BICD2: variants seen among roughly 807,000 people sequenced by gnomAD.
BICD2 encodes the protein protein bicaudal D homolog 2.
Under a neutral mutation model 72.9 loss-of-function variants are expected in BICD2, and 25 were observed. The observed-to-expected ratio is 0.34, with a 90% CI of 0.25 to 0.48. The LOEUF (loss-of-function observed/expected upper bound fraction) is 0.48. Among genes scored for constraint, BICD2 ranks in the 20% least tolerant of loss-of-function variants. The probability of loss-of-function intolerance (pLI) is 0.99; values close to 1 mark genes in which losing one functional copy is unlikely to be tolerated. For missense variants in BICD2, 894 were observed against 1,175.2 expected, an observed-to-expected ratio of 0.76 and a Z score of 3.50; for synonymous variants, 501 against 516.1, an observed-to-expected ratio of 0.97 and a Z score of 0.40.
chr9:92,713,204 G>A lies in BICD2; in HGVS notation c.*1950C>T. The A allele has an allele frequency of 2.1e-6, 1 of 481,430 alleles. No homozygotes were observed. The highest frequency in any genetic ancestry group is 3.7e-6 in the Non-Finnish European group (1 of 271,896). 29.8% of individuals were successfully genotyped at this position (481,430 alleles called of 1,614,324 possible). Reference sequence around the variant, plus strand: ...GGCTCCTGGCGAGCCTGGCAGCCAGGGAAGAAGGGTCTTCGGCCCATACAG... The same window carrying A: ...GGCTCCTGGCGAGCCTGGCAGCCAGAGAAGAAGGGTCTTCGGCCCATACAG... On this transcript the variant is annotated 3_prime_UTR_variant, in exon 7 of 7. Coordinates refer to ENST00000356884, the MANE Select transcript of BICD2 (RefSeq NM_001003800.2).
chr9:92,743,946 T>C (rs1464950702), intron 1 of BICD2, among the ~76,000 whole-genome samples: 3 of 152,200 alleles, frequency 2.0e-5, no homozygotes, highest in Non-Finnish European at 4.4e-5. Context: ...TGTGACATAC[T>C]GATCAGAATG....
rs1354893895 is a variant in BICD2, at chr9:92,713,610, G to T, written c.*1544C>A. ...GCATGTGTTAGCAGGGGTCCCAGTG[G>T]CTTGGGTGTCTGCAAAGTCCCTTAG... is the stretch of plus-strand genomic sequence containing the variant. On this transcript the variant is annotated 3_prime_UTR_variant, in exon 7 of 7. Transcript: ENST00000356884. The T allele has an allele frequency of 5.3e-6, 8 of 1,520,542 alleles. No individual in the cohort carries two copies. Among genetic ancestry groups the T allele is most frequent in the Non-Finnish European group, 6.2e-6 (7 of 1,128,628 alleles). 94.2% of individuals were successfully genotyped at this position (1,520,542 alleles called of 1,614,324 possible).
rs878875672 is a variant in BICD2 at position 92,720,810 on chromosome 9, G to T, written c.607-55C>A. On this transcript the variant is annotated intron_variant, in intron 3 of 6. Coordinates refer to ENST00000356884, the MANE Select transcript of BICD2 (RefSeq NM_001003800.2). The surrounding 1 kb of genome is among the most constrained non-coding windows in gnomAD (Gnocchi z 5.4). ...AATGCAATGTGGAAGCTCCTTTCAGGCCCCATAAATGAAGAAAACACACCA... is the reference window on the plus strand; with the variant it reads ...AATGCAATGTGGAAGCTCCTTTCAGTCCCCATAAATGAAGAAAACACACCA... The T allele has an allele frequency of 1.3e-6, 2 of 1,551,860 alleles. No homozygotes were observed. The highest frequency in any genetic ancestry group is 2.3e-5 in the East Asian group (1 of 44,280).
chr9:92,730,119 G>T (rs1564064951), intron 1 of BICD2, among the ~76,000 whole-genome samples: 1 of 152,176 alleles, frequency 6.6e-6, no homozygotes, highest in Non-Finnish European at 1.5e-5. Flanking sequence ...CACATAGCTG[G>T]CGTGGCAGGA....
At chr9:92,717,661 T>G (rs751550448) in intron 6 of BICD2, 136 bp downstream of exon 6, 1 of 1,186,788 alleles carries the variant, frequency 8.4e-7, no homozygotes, top group Non-Finnish European at 1.1e-6. Context: ...CTGGCCCTGA[T>G]GGAGCTGGGC....
intron 1 of BICD2, among the ~76,000 whole-genome samples, chr9:92,730,217 G>T (rs1257064956): frequency 6.6e-6 from 1 of 152,206 alleles, no homozygotes; most frequent in Non-Finnish European, 1.5e-5. Context: ...CAGAGCTCTT[G>T]CAGAAGACCT....
intron 1 of BICD2, among the ~76,000 whole-genome samples, chr9:92,747,705 G>A (rs1048407773): frequency 6.6e-6 from 1 of 152,222 alleles, no homozygotes; most frequent in African/African-American, 2.4e-5. Flanking sequence ...TGTGGGTGGG[G>A]CAAGGCCTCT....
rs1295024338 is a variant in BICD2, at chr9:92,764,452, C to A, written c.240+53G>T. On this transcript the variant is annotated intron_variant, in intron 1 of 6. Transcript: ENST00000356884. The surrounding 1 kb of genome is among the most constrained non-coding windows in gnomAD (Gnocchi z 5.5). Reference sequence around the variant, plus strand: ...GGCCGCCCTGGTGCCAGGGACGACGCCCACAGGCCCCGGCGCCGGGCGGGG... The same window carrying A: ...GGCCGCCCTGGTGCCAGGGACGACGACCACAGGCCCCGGCGCCGGGCGGGG... 6.3e-6 allele frequency: 9 copies of A among 1,432,200 alleles called. No individual in the cohort carries two copies. Among genetic ancestry groups the A allele is most frequent in the Non-Finnish European group, 8.3e-6 (9 of 1,088,418 alleles). 88.7% of individuals were successfully genotyped at this position (1,432,200 alleles called of 1,614,324 possible).
In BICD2 at chr9:92,764,253, G is replaced by A. The variant is rs1197959703; in HGVS notation, c.240+252C>T. 6.6e-6 allele frequency among the ~76,000 whole-genome samples: 1 copy of A among 151,992 alleles called. No individual in the cohort carries two copies. Among genetic ancestry groups the A allele is most frequent in the Non-Finnish European group, 1.5e-5 (1 of 67,968 alleles). ...CGGGGCCGCCCAGGTCCGCACAGAA[G>A]CAGGCGGGCAGCTGCAGGAGGCGAC... On this transcript the variant is annotated intron_variant, in intron 1 of 6. Coordinates refer to ENST00000356884, the MANE Select transcript of BICD2 (RefSeq NM_001003800.2). The surrounding 1 kb of genome is among the most constrained non-coding windows in gnomAD (Gnocchi z 5.5).
chr9:92,736,899 T>G (rs999453798), intron 1 of BICD2, among the ~76,000 whole-genome samples: 1 of 152,140 alleles, frequency 6.6e-6, no homozygotes, highest in Non-Finnish European at 1.5e-5. Context: ...CGTGGGATGG[T>G]GCAGGGCTGG....
chr9:92,725,702 A>G (rs1479695708), intron 2 of BICD2, among the ~76,000 whole-genome samples: 1 of 152,228 alleles, frequency 6.6e-6, no homozygotes, highest in Non-Finnish European at 1.5e-5. Flanking sequence ...ACTGCTCATC[A>G]GCAAGCAGGG....
chr9:92,730,128 G>C (rs553052264), intron 1 of BICD2, among the ~76,000 whole-genome samples: 17 of 152,292 alleles, frequency 1.1e-4, no homozygotes, highest in Non-Finnish European at 1.9e-4. Context: ...GGCGTGGCAG[G>C]ACAGGGCTTC....
At chr9:92,757,800 C>T (rs947807603) in intron 1 of BICD2, among the ~76,000 whole-genome samples, 2 of 152,320 alleles carry the variant, frequency 1.3e-5, no homozygotes, top group Middle Eastern at 3.4e-3. Flanking sequence ...GAAACAAGAC[C>T]GGCCACAGCT....
rs370039464 is a variant in BICD2, at chr9:92,732,372, CAAAGGAGAA to C, written c.241-3145_241-3137del. The stretch of plus-strand genomic sequence containing the variant: ...TTATGTAAGGAGTAATTGGAGTACC[CAAAGGAGAA>C]AAAGGGGAAAATAGAAAAAGTAATT... On this transcript the variant is annotated intron_variant, in intron 1 of 6. Coordinates refer to ENST00000356884, the MANE Select transcript of BICD2 (RefSeq NM_001003800.2). Among the ~76,000 whole-genome samples, 895 of 151,886 alleles carry C rather than the reference CAAAGGAGAA, an allele frequency of 5.9e-3. 8 individuals carry two copies. Among genetic ancestry groups the C allele is most frequent in the African/African-American group, 0.021 (858 of 41,386 alleles).
chr9:92,725,851 T>A (rs1853557224), intron 2 of BICD2, among the ~76,000 whole-genome samples: 1 of 152,228 alleles, frequency 6.6e-6, no homozygotes, highest in Non-Finnish European at 1.5e-5. Flanking sequence ...CCCTACTCCT[T>A]CTTGGGGCAA....
intron 6 of BICD2, among the ~76,000 whole-genome samples, chr9:92,715,977 A>G (rs1218302275): frequency 6.6e-6 from 1 of 152,064 alleles, no homozygotes; most frequent in Non-Finnish European, 1.5e-5. Context: ...GAGCCAAGGA[A>G]CCACGTGTGT....
intron 1 of BICD2, among the ~76,000 whole-genome samples, chr9:92,749,147 C>T (rs969348890): frequency 6.6e-6 from 1 of 152,002 alleles, no homozygotes; most frequent in Non-Finnish European, 1.5e-5. Context: ...CAGGGTGGGG[C>T]CTCTTGAGGA....
intron 1 of BICD2, among the ~76,000 whole-genome samples, chr9:92,751,620 T>C (rs1854151223): frequency 6.6e-6 from 1 of 152,126 alleles, no homozygotes; most frequent in Non-Finnish European, 1.5e-5. Context: ...GGATGGTGGA[T>C]GGTGGGAGCC....
chr9:92,723,681 G>C (rs186823992), intron 2 of BICD2, among the ~76,000 whole-genome samples: 168 of 152,262 alleles, frequency 1.1e-3, no homozygotes, highest in African/African-American at 3.9e-3. Context: ...ACCTTATGTG[G>C]GTGAACTATA....
Sources: allele counts gnomAD v4.1 joint callset (sites outside exome capture counted in the v4.1 genomes callset), GRCh38; gene constraint gnomAD v4.1.1; non-coding constraint Gnocchi (gnomAD v3.1); transcripts MANE v1.5; gene names NCBI Gene and HGNC (gene_info 2026-07-23, HGNC 2026-07-21).